Variants in ARHGAP21 observed in about 807,000 individuals in gnomAD.
ARHGAP21 encodes Rho GTPase activating protein 21, also known as rho GTPase-activating protein 21.
Under a neutral mutation model 164.6 loss-of-function variants are expected in ARHGAP21, and 38 were observed. The ratio of observed to expected loss-of-function variants is 0.23; its 90% CI spans 0.18 to 0.30. The LOEUF is 0.30. Among genes scored for constraint, ARHGAP21 ranks in the 10% least tolerant of loss-of-function variants. ARHGAP21 has a pLI of 1.00. For synonymous variants in ARHGAP21, 766 were observed against 857.9 expected (o/e 0.89, Z 1.87); for missense variants, 1,822 against 2,370.7 (o/e 0.77, Z 4.81).
chr10:24,596,999 A>G, intron 16 of ARHGAP21, 117 bp from the exon 17 acceptor site: 1 of 1,098,744 alleles, frequency 9.1e-7, no homozygotes, highest in Non-Finnish European at 1.2e-6. Context: ...AATATAAATA[A>G]TACATCCTAT....
chr10:24,620,738 C>A lies in ARHGAP21; in HGVS notation c.1157G>T (p.Trp386Leu), dbSNP rs1276275314. ...CTCTTTGTAAGTTTTATAGTTTTTC[C>A]AGTCTATGTGCTGATGGGAATTTGG... ...YSPNSHQHID[W>L]KNYKTYKEYI... Residue 386 changes from tryptophan to leucine, a missense_variant, in exon 9 of 26, where the codon TGG becomes TTG. This residue lies in a region of ARHGAP21 where 1,090 missense variants were observed against 1,378.9 expected (regional missense o/e 0.79). Coordinates refer to ENST00000396432, the MANE Select transcript of ARHGAP21 (RefSeq NM_020824.4). The A allele has an allele frequency of 1.2e-6, 2 of 1,614,090 alleles. No homozygotes were observed. The highest frequency in any genetic ancestry group is 3.3e-5 in the Admixed American group (2 of 60,026).
chr10:24,693,164 C>G (rs947017517), intron 2 of ARHGAP21, among the ~76,000 whole-genome samples: 3 of 152,158 alleles, frequency 2.0e-5, no homozygotes, highest in Non-Finnish European at 4.4e-5. Flanking sequence ...AATGACGACA[C>G]AGGCGTGTTC....
chr10:24,635,930 T>A (rs1473538747), intron 4 of ARHGAP21, among the ~76,000 whole-genome samples: 2 of 152,054 alleles, frequency 1.3e-5, no homozygotes, highest in Non-Finnish European at 2.9e-5. Context: ...GGGAGTCTGG[T>A]AGGAGGAGAA....
rs140355341 is a variant in ARHGAP21, at chr10:24,609,180, T to A, written c.2423-1277A>T. 1.5e-3 allele frequency among the ~76,000 whole-genome samples: 232 copies of A among 152,328 alleles called. 5 individuals carry two copies. In the East Asian group the frequency reaches 0.038, roughly 25 times the overall value. On this transcript the variant is annotated intron_variant, in intron 9 of 25. Transcript: ENST00000396432. ...GAATACATCTTTAATTATACTGGGA[T>A]AAATCTTTGAGGAGAATGATTTTAT...
chr10:24,721,575 T>A (rs1845941922), intron 2 of ARHGAP21, among the ~76,000 whole-genome samples: 1 of 152,148 alleles, frequency 6.6e-6, no homozygotes, highest in Admixed American at 6.5e-5. Flanking sequence ...ACGGGAGAAT[T>A]CCTGGCTCTG....
intron 2 of ARHGAP21, among the ~76,000 whole-genome samples, chr10:24,713,384 G>C (rs867464936): frequency 1.3e-5 from 2 of 152,062 alleles, no homozygotes; most frequent in Non-Finnish European, 2.9e-5. Context: ...AGAAAACTCA[G>C]CAGCTAGTCA....
chr10:24,608,191 C>G (rs1161657132), intron 9 of ARHGAP21, among the ~76,000 whole-genome samples: 2 of 152,130 alleles, frequency 1.3e-5, no homozygotes, highest in African/African-American at 4.8e-5. Flanking sequence ...ATAGGTACCT[C>G]GAACCTAAAC....
intron 4 of ARHGAP21, among the ~76,000 whole-genome samples, chr10:24,636,436 C>T (rs773090085): frequency 6.6e-6 from 1 of 152,166 alleles, no homozygotes; most frequent in Non-Finnish European, 1.5e-5. Context: ...GTTTGAGAAT[C>T]ACTGAAGTAG....
chr10:24,695,323 T>C (rs1433134191), intron 2 of ARHGAP21, among the ~76,000 whole-genome samples: 1 of 152,000 alleles, frequency 6.6e-6, no homozygotes, highest in Non-Finnish European at 1.5e-5. Context: ...AATCCCAGCA[T>C]TTTCAGAGGC....
chr10:24,706,073 T>G (rs1478808260), intron 2 of ARHGAP21, among the ~76,000 whole-genome samples: 1 of 152,200 alleles, frequency 6.6e-6, no homozygotes, highest in South Asian at 2.1e-4. Context: ...AATCCCACTG[T>G]GAAAGAACTC....
chr10:24,648,771 C>T, intron 4 of ARHGAP21: 6 of 935,332 alleles, frequency 6.4e-6, no homozygotes, highest in Non-Finnish European at 7.5e-6. Context: ...AAGAGCAAAA[C>T]TCTGTCTCAA....
intron 4 of ARHGAP21, among the ~76,000 whole-genome samples, chr10:24,645,924 G>A (rs1837529154): frequency 6.6e-6 from 1 of 152,144 alleles, no homozygotes; most frequent in African/African-American, 2.4e-5. Flanking sequence ...TTTCTGAAGT[G>A]GTCAGGGAAG....
rs1189832043 is a variant in ARHGAP21 at position 24,584,187 on chromosome 10, G to C, written c.*225C>G. On this transcript the variant is annotated 3_prime_UTR_variant, in exon 26 of 26. Transcript: ENST00000396432. ...TGTAGTAAGTTGCAACAAATACCTT[G>C]CTCATTTGTATACAACTATCCGATA... 4.6e-6 allele frequency: 1 copy of C among 218,934 alleles called. No individual in the cohort carries two copies. The highest frequency in any genetic ancestry group is 2.4e-5 in the African/African-American group (1 of 42,126). The allele number at this position is 218,934 out of a possible 1,614,324, so 13.6% of individuals were successfully genotyped here.
intron 2 of ARHGAP21, among the ~76,000 whole-genome samples, chr10:24,692,666 T>C (rs951363916): frequency 6.6e-6 from 1 of 152,034 alleles, no homozygotes; most frequent in Non-Finnish European, 1.5e-5. Flanking sequence ...ACCCCATCTC[T>C]ACTAAAAATA....
intron 24 of ARHGAP21, chr10:24,590,953 A>G: frequency 1.0e-6 from 1 of 972,648 alleles, no homozygotes. Context: ...AAAAAAAAAA[A>G]AAAAAAAGAA....
chr10:24,597,395 G>A lies in ARHGAP21; in HGVS notation c.3334+52C>T, dbSNP rs7077630. ...ACAGAAAACATAAACGTACCTCAAC[G>A]ATGCCAATTTTAAATCATTATATTT... is the stretch of plus-strand genomic sequence containing the variant. On this transcript the variant is annotated intron_variant, in intron 16 of 25. Coordinates refer to ENST00000396432, the MANE Select transcript of ARHGAP21 (RefSeq NM_020824.4). 15,035 of 1,583,834 alleles carry A rather than the reference G, an allele frequency of 9.5e-3. 558 individuals carry two copies. The African/African-American group carries it at 0.12, about 13-fold the overall frequency.
At chr10:24,689,592 T>C (rs949388504) in intron 2 of ARHGAP21, among the ~76,000 whole-genome samples, 9 of 151,832 alleles carry the variant, frequency 5.9e-5, no homozygotes, top group African/African-American at 2.2e-4. Context: ...ATACAAAAAA[T>C]TAGCCCAGCA....
At chr10:24,667,816 T>C (rs990297568) in intron 3 of ARHGAP21, among the ~76,000 whole-genome samples, 1 of 151,886 alleles carries the variant, frequency 6.6e-6, no homozygotes, top group African/African-American at 2.4e-5. Flanking sequence ...GCCAGTTAAG[T>C]GACAAAATAA....
At chr10:24,675,521 G>A (rs766917457) in intron 2 of ARHGAP21, among the ~76,000 whole-genome samples, 2 of 152,114 alleles carry the variant, frequency 1.3e-5, no homozygotes, top group East Asian at 1.9e-4. Flanking sequence ...GCATACTTGC[G>A]TATAAACTTA....
Sources: gnomAD v4.1 joint callset for allele counts (sites outside exome capture counted in the v4.1 genomes callset) on GRCh38, gnomAD v4.1.1 for gene constraint, gnomAD v4.1.1 regional missense constraint, MANE v1.5 for transcripts, NCBI Gene and HGNC (gene_info 2026-07-23, HGNC 2026-07-21) for gene names.